RASGRP3: variants seen among roughly 807,000 people sequenced by gnomAD.
RASGRP3 encodes ras guanyl-releasing protein 3.
In RASGRP3, 54 loss-of-function variants were observed where a neutral mutation model predicts 82.7. The observed-to-expected ratio is 0.65, with a 90% CI of 0.52 to 0.82. The LOEUF (loss-of-function observed/expected upper bound fraction) is 0.82. Ranked by LOEUF, RASGRP3 falls within the 40% of genes least tolerant of loss-of-function variation. The probability of loss-of-function intolerance (pLI) is 0.00; values close to 1 mark genes in which losing one functional copy is unlikely to be tolerated. For missense variants in RASGRP3, 861 were observed against 828.9 expected (o/e 1.04, Z -0.48); for synonymous variants, 309 against 300.5 (o/e 1.03, Z -0.29).
At chr2:33,502,068 A>T (rs1669922166) in intron 1 of RASGRP3, among the ~76,000 whole-genome samples, 1 of 152,194 alleles carries the variant, frequency 6.6e-6, no homozygotes, top group African/African-American at 2.4e-5. Flanking sequence ...AGCAAATTCT[A>T]CTTGGCTGTG....
At chr2:33,521,880 A>T in intron 6 of RASGRP3, 75 bp from the exon 7 acceptor site, 1 of 1,508,246 alleles carries the variant, frequency 6.6e-7, no homozygotes, top group African/African-American at 1.4e-5. Flanking sequence ...AGAGTTGCAG[A>T]GTCAGTAGGT....
chr2:33,558,932 G>A lies in RASGRP3; in HGVS notation c.1966G>A (p.Glu656Lys), dbSNP rs752289882. 1.9e-6 allele frequency: 3 copies of A among 1,614,002 alleles called. No individual in the cohort carries two copies. Among genetic ancestry groups the A allele is most frequent in the Non-Finnish European group, 2.5e-6 (3 of 1,179,902 alleles). ...KDKGFAKWEN[E>K]KPRVHAGVDV... is the part of the protein sequence containing the mutation. ...CAAAGGCTTTGCCAAATGGGAAAAT[G>A]AGAAGCCCAGGGTGCATGCTGGTGT... The change falls in exon 17 of 18, where the codon GAG (glutamate) becomes AAG (lysine). Residue 656 changes from glutamate (E) to lysine (K), a missense_variant. By Grantham distance (56) the Glu-to-Lys change is moderately conservative. Coordinates refer to ENST00000403687, the MANE Select transcript of RASGRP3 (RefSeq NM_001139488.2).
At chr2:33,438,831 C>G (rs1289545669) in intron 1 of RASGRP3, among the ~76,000 whole-genome samples, 2 of 152,176 alleles carry the variant, frequency 1.3e-5, no homozygotes, top group Non-Finnish European at 2.9e-5. Context: ...ATAGAGCCAA[C>G]CCTGGCCTTC....
chr2:33,501,799 C>T lies in RASGRP3; in HGVS notation c.-260-9911C>T, dbSNP rs140208502. ...GTAGGAAAGGAGTCTGCAGATGAGACGATGAGGTATGACCAGAGGCAGAAA... is the reference window on the plus strand; with the variant it reads ...GTAGGAAAGGAGTCTGCAGATGAGATGATGAGGTATGACCAGAGGCAGAAA... On this transcript the variant is annotated intron_variant, in intron 1 of 17. Coordinates refer to ENST00000403687, the MANE Select transcript of RASGRP3 (RefSeq NM_001139488.2). 2.6e-3 allele frequency among the ~76,000 whole-genome samples: 401 copies of T among 152,238 alleles called. 2 individuals are homozygous for T. The highest frequency in any genetic ancestry group is 8.8e-3 in the African/African-American group (367 of 41,536).
intron 1 of RASGRP3, among the ~76,000 whole-genome samples, chr2:33,498,775 C>T (rs1257894299): frequency 6.6e-6 from 1 of 152,072 alleles, no homozygotes; most frequent in Non-Finnish European, 1.5e-5. Flanking sequence ...TTACCTCTCT[C>T]ACAACACTTT....
At chr2:33,449,799 A>T (rs943214484) in intron 2 of RASGRP3, among the ~76,000 whole-genome samples, 5 of 152,212 alleles carry the variant, frequency 3.3e-5, no homozygotes, top group Non-Finnish European at 5.9e-5. Flanking sequence ...AATATTTATG[A>T]TATATAGCAA....
At chr2:33,459,031 A>C (rs2150895173) in intron 2 of RASGRP3, among the ~76,000 whole-genome samples, 1 of 152,358 alleles carries the variant, frequency 6.6e-6, no homozygotes, top group South Asian at 2.1e-4. Context: ...AACATTTTTA[A>C]CATAAATGAT....
At chr2:33,543,762 G>T in intron 13 of RASGRP3, 135 bp downstream of exon 13, 2 of 636,904 alleles carry the variant, frequency 3.1e-6, no homozygotes, top group South Asian at 4.0e-5. Context: ...GGTTTAATTT[G>T]TCACTGATTA....
upstream of RASGRP3, among the ~76,000 whole-genome samples, chr2:33,472,522 C>A (rs1010652682): frequency 6.6e-6 from 1 of 152,040 alleles, no homozygotes; most frequent in African/African-American, 2.4e-5. Flanking sequence ...GGTAAGAGTG[C>A]AAGATGAGAA....
chr2:33,439,524 A>C (rs1283707635), intron 1 of RASGRP3, among the ~76,000 whole-genome samples: 1 of 152,238 alleles, frequency 6.6e-6, no homozygotes, highest in Non-Finnish European at 1.5e-5. Flanking sequence ...GATAAACAAC[A>C]AACACTTTTT....
At chr2:33,456,252 C>T (rs908614406) in intron 2 of RASGRP3, among the ~76,000 whole-genome samples, 13 of 152,118 alleles carry the variant, frequency 8.5e-5, no homozygotes, top group African/African-American at 1.9e-4. Flanking sequence ...TCTGTCTTTT[C>T]GTTTGTTATT....
intron 13 of RASGRP3, among the ~76,000 whole-genome samples, chr2:33,548,989 G>A (rs1444918220): frequency 2.6e-5 from 4 of 152,040 alleles, no homozygotes; most frequent in Non-Finnish European, 4.4e-5. Context: ...GCACCTGGCC[G>A]ATTTGATCAT....
intron 1 of RASGRP3, among the ~76,000 whole-genome samples, chr2:33,480,268 C>G (rs1029243838): frequency 2.0e-5 from 3 of 152,142 alleles, no homozygotes; most frequent in Non-Finnish European, 4.4e-5. Flanking sequence ...TGCTCTCGAT[C>G]TCCTGACCTG....
intron 2 of RASGRP3, among the ~76,000 whole-genome samples, chr2:33,453,059 G>A (rs1335505015): frequency 1.3e-5 from 2 of 152,174 alleles, no homozygotes; most frequent in African/African-American, 4.8e-5. Flanking sequence ...CCCCTTGGGG[G>A]AGGGATGATA....
rs1665514260 is a variant in RASGRP3, at chr2:33,446,565, A to G, written c.-384-1255A>G. Among the ~76,000 whole-genome samples, 12 of 151,898 alleles carry G rather than the reference A, an allele frequency of 7.9e-5. No homozygotes were observed. In the South Asian group the frequency reaches 2.5e-3, roughly 32 times the overall value. On this transcript the variant is annotated intron_variant, in intron 1 of 18. Transcript: ENST00000402538. Reference sequence around the variant, plus strand: ...ACTTGGCTAAGAAGTAGAAGAGAGGAAAGTGAAGAGAATGGTTAGAATTAA... The same window carrying G: ...ACTTGGCTAAGAAGTAGAAGAGAGGGAAGTGAAGAGAATGGTTAGAATTAA...
Position 33,562,900 on chromosome 2 carries a change from A to G in RASGRP3, c.*163A>G. 1.2e-6 allele frequency: 1 copy of G among 846,198 alleles called. No individual in the cohort carries two copies. Among genetic ancestry groups the G allele is most frequent in the African/African-American group, 2.5e-5 (1 of 39,912 alleles). The allele number at this position is 846,198 out of a possible 1,614,324, so 52.4% of individuals were successfully genotyped here. On this transcript the variant is annotated 3_prime_UTR_variant, in exon 18 of 18. Coordinates refer to ENST00000403687, the MANE Select transcript of RASGRP3 (RefSeq NM_001139488.2). ...TCTCCATGTTTGGACTATGGGACAG[A>G]GAATTGACCCTAACTAACTAACTAT...
chr2:33,549,843 T>C (rs1574485462), intron 14 of RASGRP3, 92 bp downstream of exon 14: 4 of 1,389,898 alleles, frequency 2.9e-6, no homozygotes, highest in Admixed American at 5.1e-5. Flanking sequence ...TAAAGTTCAC[T>C]GTCTGCTTTG....
chr2:33,538,837 G>A (rs984102884), intron 11 of RASGRP3, among the ~76,000 whole-genome samples: 1 of 152,140 alleles, frequency 6.6e-6, no homozygotes, highest in Non-Finnish European at 1.5e-5. Context: ...CCAGGAGTTA[G>A]AGACCAGCCT....
At chr2:33,438,962 C>T (rs73926632) in intron 1 of RASGRP3, among the ~76,000 whole-genome samples, 108 of 152,070 alleles carry the variant, frequency 7.1e-4, no homozygotes, top group African/African-American at 2.5e-3. Flanking sequence ...GTGGGAGAAG[C>T]ATGCCAAGGT....
Sources: gnomAD v4.1 joint callset for allele counts (sites outside exome capture counted in the v4.1 genomes callset) on GRCh38, gnomAD v4.1.1 for gene constraint, MANE v1.5 for transcripts, NCBI Gene and HGNC (gene_info 2026-07-23, HGNC 2026-07-21) for gene names.